Variants in PRRX2 observed in about 807,000 individuals in gnomAD.
The protein encoded by PRRX2 is paired related homeobox 2, also known as paired mesoderm homeobox protein 2.
Under a neutral mutation model 18.0 loss-of-function variants are expected in PRRX2, and 11 were observed. That is an observed-to-expected ratio of 0.61 (90% confidence interval 0.39 to 1.01). The LOEUF (loss-of-function observed/expected upper bound fraction) is 1.01. PRRX2 is among the 50% of genes least tolerant of loss of function. PRRX2 has a pLI of 0.01. For missense variants in PRRX2, 387 were observed against 351.0 expected, an observed-to-expected ratio of 1.10 and a Z score of -0.82; for synonymous variants, 177 against 154.8, an observed-to-expected ratio of 1.14 and a Z score of -1.06.
chr9:129,699,570 T>TA (rs1423480377), intron 1 of PRRX2, among the ~76,000 whole-genome samples: 6 of 151,760 alleles, frequency 4.0e-5, no homozygotes, highest in Non-Finnish European at 7.4e-5. Context: ...TTTCAGGTGT[T>TA]TGGGCAAGCA....
Position 129,665,992 on chromosome 9 carries a change from A to G in PRRX2, c.125A>G (p.His42Arg). 1 of 1,107,952 alleles carries G rather than the reference A, an allele frequency of 9.0e-7. No individual in the cohort carries two copies. The highest frequency in any genetic ancestry group is 1.1e-6 in the Non-Finnish European group (1 of 908,330). The allele number at this position is 1,107,952 out of a possible 1,614,324, so 68.6% of individuals were successfully genotyped here. The change falls in exon 1 of 4, where the codon CAC becomes CGC. Residue 42 changes from histidine to arginine, a missense_variant. Physicochemically the swap from His to Arg is conservative, Grantham distance 29. Transcript: ENST00000372469. The surrounding 1 kb of genome is among the most constrained non-coding windows in gnomAD (Gnocchi z 5.3). ...GCGCGCAAGAACTTCTCGGTGAGCC[A>G]CCTCCTGGACCTGGAAGAGGTGGCG... ...AQARKNFSVS[H>R]LLDLEEVAAA...
chr9:129,709,228 C>T lies in PRRX2; in HGVS notation c.260-10003C>T, dbSNP rs1434829243. Among the ~76,000 whole-genome samples, 1 of 152,208 alleles carries T rather than the reference C, an allele frequency of 6.6e-6. No individual in the cohort carries two copies. The highest frequency in any genetic ancestry group is 1.5e-5 in the Non-Finnish European group (1 of 68,026). Reference sequence around the variant, plus strand: ...CTTCCAGGGGCAGCTCCTGCTGGGTCACTGGCCCCTCCGCTTTCTTGTGGG... The same window carrying T: ...CTTCCAGGGGCAGCTCCTGCTGGGTTACTGGCCCCTCCGCTTTCTTGTGGG... On this transcript the variant is annotated intron_variant, in intron 1 of 3. Transcript: ENST00000372469. The surrounding 1 kb of genome is among the most constrained non-coding windows in gnomAD (Gnocchi z 4.2).
chr9:129,676,834 A>G (rs916827444), intron 1 of PRRX2, among the ~76,000 whole-genome samples: 2 of 152,200 alleles, frequency 1.3e-5, no homozygotes, highest in African/African-American at 4.8e-5. Context: ...TCTGTCCTCA[A>G]ACCTGGAGAA....
intron 1 of PRRX2, among the ~76,000 whole-genome samples, chr9:129,707,870 C>T (rs576909539): frequency 6.6e-6 from 1 of 152,090 alleles, no homozygotes; most frequent in East Asian, 1.9e-4. Context: ...ATTTCTCCTG[C>T]GTCTGTACCT....
At chr9:129,707,466 T>G (rs1832571060) in intron 1 of PRRX2, among the ~76,000 whole-genome samples, 1 of 152,014 alleles carries the variant, frequency 6.6e-6, no homozygotes, top group African/African-American at 2.4e-5. Context: ...ACATGTGGGT[T>G]GCTTTCACTT....
chr9:129,667,857 T>C (rs1188983163), intron 1 of PRRX2, among the ~76,000 whole-genome samples: 1 of 151,974 alleles, frequency 6.6e-6, no homozygotes, highest in African/African-American at 2.4e-5. Flanking sequence ...GTGCAGTGGG[T>C]CTCCCCAGCA....
At chr9:129,718,708 G>C (rs1832747005) in intron 1 of PRRX2, 1 of 152,378 alleles carries the variant, frequency 6.6e-6, no homozygotes, top group Non-Finnish European at 1.5e-5. Flanking sequence ...AGGGCTCCTG[G>C]GAGCTTCCTA....
intron 1 of PRRX2, among the ~76,000 whole-genome samples, chr9:129,682,349 A>G (rs1832243439): frequency 1.3e-5 from 2 of 152,152 alleles, no homozygotes; most frequent in African/African-American, 4.8e-5. Flanking sequence ...TATTACTGCC[A>G]TTGCTATTAT....
At chr9:129,705,226 G>A (rs555778696) in intron 1 of PRRX2, among the ~76,000 whole-genome samples, 149 of 145,928 alleles carry the variant, frequency 1.0e-3, no homozygotes, top group Non-Finnish European at 1.8e-3. Context: ...AGCTGGACTT[G>A]GGACCCCCAG....
At chr9:129,689,555 T>C (rs1832334132) in intron 1 of PRRX2, among the ~76,000 whole-genome samples, 1 of 152,138 alleles carries the variant, frequency 6.6e-6, no homozygotes, top group Non-Finnish European at 1.5e-5. Context: ...TCCCTGGCCA[T>C]AGGGCTGGGC....
chr9:129,703,660 A>C (rs1832526604), intron 1 of PRRX2, among the ~76,000 whole-genome samples: 1 of 152,198 alleles, frequency 6.6e-6, no homozygotes. Flanking sequence ...AAAGTGGGTT[A>C]AATGGAAACC....
chr9:129,697,699 G>T (rs903973175), intron 1 of PRRX2, among the ~76,000 whole-genome samples: 1 of 152,014 alleles, frequency 6.6e-6, no homozygotes, highest in African/African-American at 2.4e-5. Flanking sequence ...AGCCACCCAC[G>T]AGACGGGTGG....
chr9:129,702,435 G>T (rs919919615), intron 1 of PRRX2, among the ~76,000 whole-genome samples: 4 of 152,138 alleles, frequency 2.6e-5, no homozygotes, highest in Non-Finnish European at 5.9e-5. Context: ...TCTCTGTGAT[G>T]ATGAAAATGT....
intron 1 of PRRX2, among the ~76,000 whole-genome samples, chr9:129,705,827 G>C (rs956122351): frequency 5.9e-5 from 9 of 151,492 alleles, no homozygotes; most frequent in Non-Finnish European, 1.2e-4. Context: ...TGTAATCCCA[G>C]CACTTTGGGA....
chr9:129,710,294 T>C (rs1033589371), intron 1 of PRRX2, among the ~76,000 whole-genome samples: 11 of 151,968 alleles, frequency 7.2e-5, no homozygotes, highest in African/African-American at 2.7e-4. Flanking sequence ...CCTACTGGAG[T>C]GGCCTAGGTG....
intron 1 of PRRX2, among the ~76,000 whole-genome samples, chr9:129,666,426 A>G (rs1832023705): frequency 6.6e-6 from 1 of 152,118 alleles, no homozygotes; most frequent in Non-Finnish European, 1.5e-5. Context: ...CCGGGTTACA[A>G]CTGGGGAAAC....
chr9:129,701,993 C>T (rs1003288181), intron 1 of PRRX2, among the ~76,000 whole-genome samples: 3 of 152,174 alleles, frequency 2.0e-5, no homozygotes, highest in African/African-American at 7.2e-5. Flanking sequence ...GCCAGCTACT[C>T]AGGAGGCTGA....
In PRRX2 at chr9:129,675,615, C is replaced by A. The variant is rs1289464029; in HGVS notation, c.259+9489C>A. Among the ~76,000 whole-genome samples the A allele has an allele frequency of 6.6e-6, 1 of 152,080 alleles. No individual in the cohort carries two copies. The highest frequency in any genetic ancestry group is 1.5e-5 in the Non-Finnish European group (1 of 67,970). ...CCAGACTTTGTCCTCCTGCCCCCAC[C>A]CCCGCCTCCCTGTCTGTCCTCCCCC... On this transcript the variant is annotated intron_variant, in intron 1 of 3. Transcript: ENST00000372469. The surrounding 1 kb of genome is among the most constrained non-coding windows in gnomAD (Gnocchi z 4.4).
Position 129,719,306 on chromosome 9 carries a change from A to G in PRRX2, c.335A>G (p.Asn112Ser). The stretch of plus-strand genomic sequence containing the variant: ...CAGCGGCGGAACCGCACCACGTTCA[A>G]CAGCAGCCAACTGCAGGCGCTGGAG... ...KKQRRNRTTF[N>S]SSQLQALERV... Residue 112 changes from asparagine to serine, a missense_variant, in exon 2 of 4, where the codon AAC becomes AGC. Asn to Ser is a conservative substitution (Grantham distance 46). Transcript: ENST00000372469. 6.2e-7 allele frequency: 1 copy of G among 1,610,886 alleles called. No individual in the cohort carries two copies. Among genetic ancestry groups the G allele is most frequent in the Non-Finnish European group, 8.5e-7 (1 of 1,179,090 alleles).
Sources: allele counts gnomAD v4.1 joint callset (sites outside exome capture counted in the v4.1 genomes callset), GRCh38; gene constraint gnomAD v4.1.1; non-coding constraint Gnocchi (gnomAD v3.1); transcripts MANE v1.5; gene names NCBI Gene and HGNC (gene_info 2026-07-23, HGNC 2026-07-21).